Variants in ATG7 observed in about 807,000 individuals in gnomAD.
ATG7 encodes autophagy related 7.
Under a neutral mutation model 82.4 loss-of-function variants are expected in ATG7, and 70 were observed. That is an observed-to-expected ratio of 0.85 (90% CI 0.70 to 1.04). The LOEUF (loss-of-function observed/expected upper bound fraction) is 1.04, where lower values mean the gene tolerates loss of function less well. Among genes scored for constraint, ATG7 ranks in the 50% least tolerant of loss-of-function variants. The pLI, the probability that ATG7 is intolerant of heterozygous loss-of-function variation, is 0.00. For synonymous variants in ATG7, 287 were observed against 313.0 expected (o/e 0.92, Z 0.88); for missense variants, 792 against 864.3 (o/e 0.92, Z 1.05).
intron 4 of ATG7, 108 bp from the exon 5 acceptor site, chr3:11,299,254 G>A: frequency 9.5e-7 from 1 of 1,048,764 alleles, no homozygotes; most frequent in Non-Finnish European, 1.5e-6. Context: ...GAAATTGGAT[G>A]GGGCGCCTTG....
At chr3:11,507,955 AAAAAAAAC>A (rs1445425012) in intron 20 of ATG7, among the ~76,000 whole-genome samples, 5 of 151,894 alleles carry the variant, frequency 3.3e-5, no homozygotes, top group Non-Finnish European at 5.9e-5. Flanking sequence ...TGGTAATTAA[AAAAAAAAC>A]AAAAAAACAA....
At chr3:11,332,021 C>T (rs1455859541) in intron 10 of ATG7, among the ~76,000 whole-genome samples, 1 of 152,200 alleles carries the variant, frequency 6.6e-6, no homozygotes, top group Non-Finnish European at 1.5e-5. Context: ...AGCAATGTTA[C>T]TCTCAAGTAT....
chr3:11,445,914 A>G (rs909898893), intron 20 of ATG7, among the ~76,000 whole-genome samples: 2 of 152,108 alleles, frequency 1.3e-5, no homozygotes, highest in Non-Finnish European at 2.9e-5. Context: ...CGTCTTATGT[A>G]TATTACTTAT....
chr3:11,321,319 G>T lies in ATG7; in HGVS notation c.678+5826G>T, dbSNP rs578100521. On this transcript the variant is annotated intron_variant, in intron 9 of 20. Coordinates refer to ENST00000693202, the MANE Select transcript of ATG7 (RefSeq NM_001349232.2). Reference sequence around the variant, plus strand: ...TTGCATGTGGAGGTACTGTTCACTTGTGTGTGAAGCCTTGGCTGACTATGA... The same window carrying T: ...TTGCATGTGGAGGTACTGTTCACTTTTGTGTGAAGCCTTGGCTGACTATGA... Among the ~76,000 whole-genome samples, 9 of 152,316 alleles carry T rather than the reference G, an allele frequency of 5.9e-5. No individual in the cohort carries two copies. The South Asian group carries it at 8.3e-4, about 14-fold the overall frequency.
At chr3:11,442,462 G>A (rs1411540678) in intron 20 of ATG7, among the ~76,000 whole-genome samples, 1 of 151,832 alleles carries the variant, frequency 6.6e-6, no homozygotes, top group Non-Finnish European at 1.5e-5. Flanking sequence ...AATGTTTCGG[G>A]ATATATATCA....
chr3:11,404,225 T>C (rs1398135949), intron 19 of ATG7, among the ~76,000 whole-genome samples: 1 of 141,766 alleles, frequency 7.1e-6, no homozygotes, highest in Non-Finnish European at 1.5e-5. Flanking sequence ...AACCTCCATC[T>C]CCCGGGTTCA....
Position 11,309,070 on chromosome 3 carries a change from A to G in ATG7, c.411+9A>G, listed in dbSNP as rs1465961522. 6.2e-7 allele frequency: 1 copy of G among 1,611,320 alleles called. No individual in the cohort carries two copies. Among genetic ancestry groups the G allele is most frequent in the Admixed American group, 1.7e-5 (1 of 60,024 alleles). On this transcript the variant is annotated intron_variant, in intron 7 of 20. Transcript: ENST00000693202. ...TCCTCTTGACATTTGCAGTAAGTAAATGGGCTCTCGGTTGCACCGAGGTTG... is the reference window on the plus strand; with the variant it reads ...TCCTCTTGACATTTGCAGTAAGTAAGTGGGCTCTCGGTTGCACCGAGGTTG...
rs1553668928 is a variant in ATG7 at position 11,442,739 on chromosome 3, C to CCAAAAAAAAAAAAAAAA, written c.2079+15813_2079+15814insCAAAAAAAAAAAAAAAA. Among the ~76,000 whole-genome samples the CCAAAAAAAAAAAAAAAA allele has an allele frequency of 9.1e-4, 63 of 69,250 alleles. 20 individuals are homozygous for CCAAAAAAAAAAAAAAAA. Among genetic ancestry groups the CCAAAAAAAAAAAAAAAA allele is most frequent in the South Asian group, 4.7e-3 (7 of 1,482 alleles). 45.4% of individuals were successfully genotyped at this position (69,250 alleles called of 152,430 possible). A position where few individuals can be genotyped will look rare whatever the true frequency, so the allele number is the denominator to read the frequency against. On this transcript the variant is annotated intron_variant, in intron 20 of 20. Coordinates refer to ENST00000693202, the MANE Select transcript of ATG7 (RefSeq NM_001349232.2). Reference sequence around the variant, plus strand: ...GCAGCATAGTGAGACTCCATCTCTACAAAAAAAAAAAAAAAAAAAAAAAAA... The same window carrying CCAAAAAAAAAAAAAAAA: ...GCAGCATAGTGAGACTCCATCTCTACCAAAAAAAAAAAAAAAAAAAAAAAAAAAAAAAAAAAAAAAAA...
At chr3:11,359,613 T>C (rs1418263214) in intron 15 of ATG7, among the ~76,000 whole-genome samples, 3 of 151,942 alleles carry the variant, frequency 2.0e-5, no homozygotes, top group Non-Finnish European at 4.4e-5. Flanking sequence ...GGAAGATCAC[T>C]TGAGCCTGGG....
chr3:11,458,261 G>T (rs936900074), intron 20 of ATG7, among the ~76,000 whole-genome samples: 1 of 151,800 alleles, frequency 6.6e-6, no homozygotes, highest in African/African-American at 2.4e-5. Flanking sequence ...TCAGACTTGG[G>T]TTTTTTTGTT....
At chr3:11,421,597 A>G (rs957397354) in intron 19 of ATG7, among the ~76,000 whole-genome samples, 3 of 152,116 alleles carry the variant, frequency 2.0e-5, no homozygotes, top group African/African-American at 7.2e-5. Context: ...AAAGTCATCC[A>G]TGAGGGTTGG....
At chr3:11,525,700 A>C (rs1575189994) in intron 20 of ATG7, among the ~76,000 whole-genome samples, 1 of 151,574 alleles carries the variant, frequency 6.6e-6, no homozygotes, top group Non-Finnish European at 1.5e-5. Flanking sequence ...AACTACAGGT[A>C]CCCGCCACCA....
chr3:11,405,275 C>A (rs1359049323), intron 19 of ATG7, among the ~76,000 whole-genome samples: 1 of 152,076 alleles, frequency 6.6e-6, no homozygotes, highest in Non-Finnish European at 1.5e-5. Flanking sequence ...TAAACTCCAC[C>A]CCCACCCCCT....
chr3:11,519,631 CTCACT>C (rs1390406818), intron 20 of ATG7, among the ~76,000 whole-genome samples: 2 of 129,444 alleles, frequency 1.5e-5, no homozygotes, highest in Non-Finnish European at 3.2e-5. Flanking sequence ...GCGATCTTGG[CTCACT>C]GCAAGCTCCC....
At chr3:11,351,163 A>C (rs2075513017) in intron 14 of ATG7, among the ~76,000 whole-genome samples, 1 of 152,170 alleles carries the variant, frequency 6.6e-6, no homozygotes, top group South Asian at 2.1e-4. Context: ...TAGTGTATTT[A>C]AGACCTCCCG....
At chr3:11,300,422 G>A (rs1038412022) in intron 5 of ATG7, among the ~76,000 whole-genome samples, 1 of 152,152 alleles carries the variant, frequency 6.6e-6, no homozygotes, top group African/African-American at 2.4e-5. Context: ...ATTTATAAAT[G>A]TATTTCTGAA....
At chr3:11,570,005 C>A in the ATG7 span, among the ~76,000 whole-genome samples, 31 of 152,312 alleles carry the variant, frequency 2.0e-4, no homozygotes, top group African/African-American at 7.0e-4. Flanking sequence ...TGCTAATTTA[C>A]TACAGCTTTT....
At chr3:11,339,212 C>T (rs1300209576) in intron 11 of ATG7, among the ~76,000 whole-genome samples, 1 of 147,232 alleles carries the variant, frequency 6.8e-6, no homozygotes, top group Non-Finnish European at 1.5e-5. Flanking sequence ...AGGAGAATGG[C>T]GTGAACCCAG....
intron 20 of ATG7, among the ~76,000 whole-genome samples, chr3:11,470,080 A>G (rs745580531): frequency 6.6e-6 from 1 of 151,512 alleles, no homozygotes; most frequent in Non-Finnish European, 1.5e-5. Flanking sequence ...CCTTGTGCTT[A>G]CAACGAAATT....
Sources: gnomAD v4.1 joint callset for allele counts (sites outside exome capture counted in the v4.1 genomes callset) on GRCh38, gnomAD v4.1.1 for gene constraint, MANE v1.5 for transcripts, NCBI Gene and HGNC (gene_info 2026-07-23, HGNC 2026-07-21) for gene names.